STRBP: variants seen among roughly 807,000 people sequenced by gnomAD.
STRBP encodes the protein spermatid perinuclear RNA-binding protein.
A neutral mutation model predicts 80.1 loss-of-function variants in STRBP; 13 were observed. That is an observed-to-expected ratio of 0.16 (90% CI 0.11 to 0.26). The LOEUF is 0.26. Among genes scored for constraint, STRBP ranks in the 10% least tolerant of loss-of-function variants. STRBP has a pLI of 1.00. For missense variants in STRBP, 485 were observed against 815.2 expected, an observed-to-expected ratio of 0.59 and a Z score of 4.93; for synonymous variants, 284 against 291.2, an observed-to-expected ratio of 0.98 and a Z score of 0.25.
chr9:123,207,687 C>T (rs998191137), intron 2 of STRBP, among the ~76,000 whole-genome samples: 2 of 152,020 alleles, frequency 1.3e-5, no homozygotes, highest in Non-Finnish European at 2.9e-5. Flanking sequence ...TACCTATTCA[C>T]AAACCTGCAC....
At chr9:123,181,587 G>A (rs750694603) in intron 3 of STRBP, among the ~76,000 whole-genome samples, 13 of 151,618 alleles carry the variant, frequency 8.6e-5, no homozygotes, top group Non-Finnish European at 1.8e-4. Context: ...ACCTGAGGTC[G>A]GCAGTTCGAG....
intron 1 of STRBP, among the ~76,000 whole-genome samples, chr9:123,264,724 C>A (rs1204301229): frequency 1.3e-5 from 2 of 152,182 alleles, no homozygotes; most frequent in East Asian, 1.9e-4. Context: ...GCCTAAATAA[C>A]CTGCTTTCCT....
At chr9:123,253,098 G>A (rs2040950138) in intron 1 of STRBP, among the ~76,000 whole-genome samples, 1 of 152,096 alleles carries the variant, frequency 6.6e-6, no homozygotes, top group African/African-American at 2.4e-5. Context: ...ATCTTAAAAT[G>A]GGAAATCAAT....
rs183636803 is a variant in STRBP, at chr9:123,211,203, G to A, written c.-165+25627C>T. On this transcript the variant is annotated intron_variant, in intron 2 of 18. Coordinates refer to ENST00000348403, the MANE Select transcript of STRBP (RefSeq NM_018387.5). Reference sequence around the variant, plus strand: ...TTAAGATAATAGATTATTCGACAAAGTGAATGAACTACAATGACATGCAAC... The same window carrying A: ...TTAAGATAATAGATTATTCGACAAAATGAATGAACTACAATGACATGCAAC... Among the ~76,000 whole-genome samples, 861 of 152,280 alleles carry A rather than the reference G, an allele frequency of 5.7e-3. 16 individuals are homozygous for A. Among genetic ancestry groups the A allele is most frequent in the Non-Finnish European group, 7.0e-3 (474 of 68,024 alleles).
Position 123,157,138 on chromosome 9 carries a change from C to T in STRBP, c.1045+874G>A, listed in dbSNP as rs965707178. 5.3e-5 allele frequency among the ~76,000 whole-genome samples: 8 copies of T among 152,128 alleles called. No homozygotes were observed. In the East Asian group the frequency reaches 1.3e-3, roughly 26 times the overall value. On this transcript the variant is annotated intron_variant, in intron 11 of 18. Coordinates refer to ENST00000348403, the MANE Select transcript of STRBP (RefSeq NM_018387.5). ...TGATTGGAACCCAGGTCATACTGAG[C>T]CCAAAACCTACATTTTTTCTGCTGA...
intron 13 of STRBP, among the ~76,000 whole-genome samples, chr9:123,142,488 A>C (rs949016862): frequency 2.0e-5 from 3 of 152,196 alleles, no homozygotes; most frequent in African/African-American, 7.2e-5. Context: ...GCAGTGCAAG[A>C]ATGGACTAAT....
At chr9:123,197,064 A>G (rs960856082) in intron 2 of STRBP, among the ~76,000 whole-genome samples, 1 of 152,248 alleles carries the variant, frequency 6.6e-6, no homozygotes. Flanking sequence ...CATAAAAAAG[A>G]ATGAGATCTT....
At position 123,125,256 on chromosome 9, in the gene STRBP, G is replaced by A; in HGVS notation, c.*341C>T. On this transcript the variant is annotated 3_prime_UTR_variant, in exon 19 of 19. Transcript: ENST00000348403. Reference sequence around the variant, plus strand: ...CAGTTTATTTGTGATCAGTGTTTGAGACTCTATACATCCTTCACAAATTTA... The same window carrying A: ...CAGTTTATTTGTGATCAGTGTTTGAAACTCTATACATCCTTCACAAATTTA... 3.0e-6 allele frequency: 3 copies of A among 1,010,846 alleles called. No individual in the cohort carries two copies. Among genetic ancestry groups the A allele is most frequent in the Non-Finnish European group, 3.5e-6 (3 of 846,224 alleles). The allele number at this position is 1,010,846 out of a possible 1,614,324, so 62.6% of individuals were successfully genotyped here. A position where few individuals can be genotyped will look rare whatever the true frequency, so the allele number is the denominator to read the frequency against.
intron 2 of STRBP, among the ~76,000 whole-genome samples, chr9:123,235,192 T>C (rs1007074961): frequency 3.3e-5 from 5 of 152,078 alleles, no homozygotes; most frequent in African/African-American, 1.2e-4. Context: ...TTGCCAGCAT[T>C]CCTTGTCTGT....
intron 1 of STRBP, among the ~76,000 whole-genome samples, chr9:123,264,587 C>T (rs558738536): frequency 6.6e-6 from 1 of 152,312 alleles, no homozygotes; most frequent in South Asian, 2.1e-4. Flanking sequence ...TATAAACCAC[C>T]TTGATTCTCA....
chr9:123,158,518 A>C (rs2037386803), intron 9 of STRBP, 89 bp from the exon 10 acceptor site: 1 of 1,183,798 alleles, frequency 8.4e-7, no homozygotes, highest in South Asian at 1.4e-5. Flanking sequence ...GGGGAGAATG[A>C]AGAGAAAATG....
At chr9:123,201,166 C>T (rs953147563) in intron 2 of STRBP, among the ~76,000 whole-genome samples, 3 of 152,090 alleles carry the variant, frequency 2.0e-5, no homozygotes, top group Non-Finnish European at 2.9e-5. Flanking sequence ...TTTATTTTTT[C>T]GAAGCGACAG....
chr9:123,216,493 GAC>G (rs943820084), intron 2 of STRBP, among the ~76,000 whole-genome samples: 1 of 152,170 alleles, frequency 6.6e-6, no homozygotes, highest in African/African-American at 2.4e-5. Flanking sequence ...ATTTACAACA[GAC>G]AGTCTTGCCA....
chr9:123,251,123 C>CTCTCTGTCTGTCTCTGTTTCTT (rs1491228765), intron 1 of STRBP, among the ~76,000 whole-genome samples: 2 of 152,096 alleles, frequency 1.3e-5, no homozygotes, highest in Admixed American at 1.3e-4. Context: ...GAGAGAGAAC[C>CTCTCTGTCTGTCTCTGTTTCTT]TCTCTGTCTG....
Position 123,179,017 on chromosome 9 carries a change from T to C in STRBP, c.214A>G (p.Asn72Asp). 3 of 1,614,076 alleles carry C rather than the reference T, an allele frequency of 1.9e-6. No individual in the cohort carries two copies. Among genetic ancestry groups the C allele is most frequent in the Non-Finnish European group, 2.5e-6 (3 of 1,179,958 alleles). Residue 72 changes from asparagine to aspartate, a missense_variant, in exon 4 of 19, where the codon AAC (asparagine) becomes GAC (aspartate). Around this residue, in one of 3 missense-constraint regions of STRBP, gnomAD observed 377 missense variants for 616.1 expected, o/e 0.61. Coordinates refer to ENST00000348403, the MANE Select transcript of STRBP (RefSeq NM_018387.5). ...TCAGTCCACACTCACTTGGAATAGT[T>C]TTCTCCGGCCTCATCTTTCTTCACT... The part of the protein sequence containing the change: ...TEVKKDEAGE[N>D]YSKDQGGRTL...
chr9:123,209,899 C>G (rs1233122815), intron 2 of STRBP, among the ~76,000 whole-genome samples: 9 of 152,104 alleles, frequency 5.9e-5, no homozygotes, highest in Non-Finnish European at 1.0e-4. Flanking sequence ...AAACAAGGTT[C>G]AGAGAAAGGG....
At chr9:123,179,407 T>A (rs2038359633) in intron 3 of STRBP, among the ~76,000 whole-genome samples, 180 bp from the exon 4 acceptor site, 1 of 152,204 alleles carries the variant, frequency 6.6e-6, no homozygotes, top group African/African-American at 2.4e-5. Flanking sequence ...ACTGAACTCC[T>A]CACCAGAAAA....
At chr9:123,238,571 C>G (rs190632159) in intron 1 of STRBP, among the ~76,000 whole-genome samples, 2 of 152,278 alleles carry the variant, frequency 1.3e-5, no homozygotes, top group Non-Finnish European at 2.9e-5. Flanking sequence ...ACTAGGGCAC[C>G]CTAATTTCAG....
chr9:123,211,678 T>G (rs1469549089), intron 2 of STRBP, among the ~76,000 whole-genome samples: 1 of 152,218 alleles, frequency 6.6e-6, no homozygotes. Context: ...AAGTATAATT[T>G]TTTAAATTTA....
Sources: gnomAD v4.1 joint callset for allele counts (sites outside exome capture counted in the v4.1 genomes callset) on GRCh38, gnomAD v4.1.1 for gene constraint, gnomAD v4.1.1 regional missense constraint, MANE v1.5 for transcripts, NCBI Gene and HGNC (gene_info 2026-07-23, HGNC 2026-07-21) for gene names.